The following IMMP1L variants were observed in gnomAD, a reference collection of about 807,000 sequenced individuals.
The protein encoded by IMMP1L is mitochondrial inner membrane protease subunit 1.
A neutral mutation model predicts 21.8 loss-of-function variants in IMMP1L; 24 were observed. The ratio of observed to expected loss-of-function variants is 1.10; its 90% confidence interval spans 0.80 to 1.55. IMMP1L has a LOEUF of 1.55. Ranked by LOEUF, IMMP1L falls within the 40% of genes most tolerant of loss-of-function variation. IMMP1L has a pLI of 0.00. For missense variants in IMMP1L, 195 were observed against 200.7 expected (o/e 0.97, Z 0.17); for synonymous variants, 46 against 62.8 (o/e 0.73, Z 1.26).
intron 1 of IMMP1L, among the ~76,000 whole-genome samples, chr11:31,474,869 GCGATT>G (rs1167235515): frequency 6.6e-6 from 1 of 152,054 alleles, no homozygotes; most frequent in East Asian, 1.9e-4. Context: ...CAGGCTCCCT[GCGATT>G]CCTATGATTC....
intron 1 of IMMP1L, among the ~76,000 whole-genome samples, chr11:31,492,160 CT>C (rs1175092024): frequency 6.6e-6 from 1 of 152,194 alleles, no homozygotes; most frequent in Non-Finnish European, 1.5e-5. Context: ...GCTGTTTAAT[CT>C]ACATTGAAAA....
rs1013745461 is a variant in IMMP1L at position 31,437,700 on chromosome 11, C to T, written c.322-4130G>A. On this transcript the variant is annotated intron_variant, in intron 4 of 5. Coordinates refer to ENST00000532287, the MANE Select transcript of IMMP1L (RefSeq NM_001304274.2). ...CCATCTAACCACAACCACAATGATA[C>T]AGGATGTTTCTTCCATGCCGAAAAG... Among the ~76,000 whole-genome samples, 13 of 152,120 alleles carry T rather than the reference C, an allele frequency of 8.5e-5. 1 individual carries two copies. Among genetic ancestry groups the T allele is most frequent in the Admixed American group, 8.5e-4 (13 of 15,264 alleles).
intron 1 of IMMP1L, among the ~76,000 whole-genome samples, chr11:31,504,145 T>C (rs1592054481): frequency 6.6e-6 from 1 of 151,860 alleles, no homozygotes; most frequent in Non-Finnish European, 1.5e-5. Flanking sequence ...AAAAAAAACA[T>C]GGAGATCATC....
intron 3 of IMMP1L, among the ~76,000 whole-genome samples, chr11:31,459,483 T>C (rs1954065460): frequency 6.6e-6 from 1 of 152,200 alleles, no homozygotes; most frequent in Non-Finnish European, 1.5e-5. Context: ...GAGGTGCTCT[T>C]TAGAAAATAT....
chr11:31,509,032 C>G (rs1469653742), intron 1 of IMMP1L, among the ~76,000 whole-genome samples: 1 of 152,164 alleles, frequency 6.6e-6, no homozygotes, highest in African/African-American at 2.4e-5. Flanking sequence ...ACAAGGTTGT[C>G]AGAGTAACAC....
At chr11:31,437,604 G>A (rs1953169232) in intron 4 of IMMP1L, among the ~76,000 whole-genome samples, 1 of 152,136 alleles carries the variant, frequency 6.6e-6, no homozygotes, top group African/African-American at 2.4e-5. Context: ...CAATTTTATA[G>A]AGGTATATTT....
At chr11:31,475,932 T>C (rs1267736626) in intron 1 of IMMP1L, among the ~76,000 whole-genome samples, 2 of 152,086 alleles carry the variant, frequency 1.3e-5, no homozygotes, top group Non-Finnish European at 2.9e-5. Context: ...GAATAAAAAG[T>C]AAAAAAGTAA....
At chr11:31,457,236 A>G (rs531232521) in intron 3 of IMMP1L, among the ~76,000 whole-genome samples, 1 of 152,172 alleles carries the variant, frequency 6.6e-6, no homozygotes, top group East Asian at 1.9e-4. Flanking sequence ...ATGAGATATC[A>G]AACATATAAA....
In IMMP1L at chr11:31,448,825, G is replaced by A. The variant is rs568085698; in HGVS notation, c.321+7435C>T. On this transcript the variant is annotated intron_variant, in intron 4 of 5. Transcript: ENST00000532287. Reference sequence around the variant, plus strand: ...ACATCAGAAAACACTTTAAGTCTAGGAGCCTCAAAGATTATTCTTTAGTGT... The same window carrying A: ...ACATCAGAAAACACTTTAAGTCTAGAAGCCTCAAAGATTATTCTTTAGTGT... 7 of 400,490 alleles carry A rather than the reference G, an allele frequency of 1.7e-5. No individual in the cohort carries two copies. The East Asian group carries it at 4.8e-4, about 28-fold the overall frequency. The allele number at this position is 400,490 out of a possible 1,614,324, so 24.8% of individuals were successfully genotyped here.
chr11:31,496,634 T>G (rs548725781), intron 1 of IMMP1L, among the ~76,000 whole-genome samples: 1 of 151,646 alleles, frequency 6.6e-6, no homozygotes, highest in African/African-American at 2.4e-5. Context: ...TGTGTGTGTG[T>G]GTATATTATA....
intron 1 of IMMP1L, among the ~76,000 whole-genome samples, chr11:31,474,353 CCAT>C (rs1954663089): frequency 6.6e-6 from 1 of 152,158 alleles, no homozygotes; most frequent in Admixed American, 6.5e-5. Flanking sequence ...AGCAGAGTCT[CCAT>C]CAAAGTAATT....
At chr11:31,439,885 T>C (rs1233850262) in intron 4 of IMMP1L, among the ~76,000 whole-genome samples, 1 of 152,226 alleles carries the variant, frequency 6.6e-6, no homozygotes, top group Non-Finnish European at 1.5e-5. Flanking sequence ...AGAACACAAA[T>C]GTCTCTCAGC....
chr11:31,466,773 G>A (rs1269244106), intron 1 of IMMP1L, among the ~76,000 whole-genome samples: 4 of 152,028 alleles, frequency 2.6e-5, no homozygotes, highest in African/African-American at 9.7e-5. Context: ...GAGGTAGGAG[G>A]GGAGAATGAG....
chr11:31,484,959 T>A (rs1477060299), intron 1 of IMMP1L, among the ~76,000 whole-genome samples: 1 of 151,910 alleles, frequency 6.6e-6, no homozygotes, highest in East Asian at 1.9e-4. Flanking sequence ...TAAATCAGCA[T>A]ATTAATGCCT....
chr11:31,477,024 T>C (rs1954750833), intron 1 of IMMP1L: 1 of 152,142 alleles, frequency 6.6e-6, no homozygotes, highest in Non-Finnish European at 1.5e-5. Flanking sequence ...TACTTTTATA[T>C]ATTAAAATCA....
chr11:31,477,514 G>T (rs1954765924), intron 1 of IMMP1L: 1 of 982,650 alleles, frequency 1.0e-6, no homozygotes, highest in Non-Finnish European at 1.2e-6. Flanking sequence ...ATTTTTTGTT[G>T]TTGTTGTTTA....
intron 1 of IMMP1L, among the ~76,000 whole-genome samples, chr11:31,485,856 T>C (rs970617745): frequency 6.6e-6 from 1 of 151,884 alleles, no homozygotes; most frequent in Non-Finnish European, 1.5e-5. Context: ...TGACTGATGT[T>C]CACAGTAACA....
At chr11:31,507,252 C>G (rs1955806253) in intron 1 of IMMP1L, among the ~76,000 whole-genome samples, 1 of 151,934 alleles carries the variant, frequency 6.6e-6, no homozygotes, top group African/African-American at 2.4e-5. Context: ...TGCACTCCAG[C>G]CCGGGGAACA....
intron 1 of IMMP1L, among the ~76,000 whole-genome samples, chr11:31,504,788 G>A (rs933285864): frequency 6.6e-5 from 10 of 152,186 alleles, no homozygotes. Flanking sequence ...GTCAAACATG[G>A]AATCTAATAG....
Sources: allele counts gnomAD v4.1 joint callset (sites outside exome capture counted in the v4.1 genomes callset), GRCh38; gene constraint gnomAD v4.1.1; transcripts MANE v1.5; gene names NCBI Gene and HGNC (gene_info 2026-07-23, HGNC 2026-07-21).